FADD: variants seen among roughly 807,000 people sequenced by gnomAD.
FADD encodes the protein FAS-associated death domain protein.
Under a neutral mutation model 5.8 loss-of-function variants are expected in FADD, and 3 were observed. That is an observed-to-expected ratio of 0.52 (90% CI 0.24 to 1.34). The LOEUF is 1.34. FADD is among the 40% of genes most tolerant of loss of function. FADD has a pLI of 0.17. For missense variants in FADD, 249 were observed against 286.7 expected, an observed-to-expected ratio of 0.87 and a Z score of 0.95; for synonymous variants, 138 against 130.8, an observed-to-expected ratio of 1.06 and a Z score of -0.38.
In FADD at chr11:70,206,143, A is replaced by G. The variant is rs1262743131; in HGVS notation, c.297A>G (p.Ala99=). The change falls in exon 2 of 2, where the codon GCA becomes GCG. Residue 99 remains alanine, a synonymous_variant. Transcript: ENST00000301838. ...TTCTTTCCTTCCCAGACCTGTGTGCAGCATTTAACGTCATATGTGATAATG... is the reference window on the plus strand; with the variant it reads ...TTCTTTCCTTCCCAGACCTGTGTGCGGCATTTAACGTCATATGTGATAATG... ...GAAPGEEDLC[A]AFNVICDNVG... is the part of the protein sequence containing the mutation. 8 of 1,613,936 alleles carry G rather than the reference A, an allele frequency of 5.0e-6. No individual in the cohort carries two copies. The highest frequency in any genetic ancestry group is 6.8e-6 in the Non-Finnish European group (8 of 1,179,870).
chr11:70,204,337 G>A (rs929525160), intron 1 of FADD, among the ~76,000 whole-genome samples: 1 of 152,176 alleles, frequency 6.6e-6, no homozygotes, highest in African/African-American at 2.4e-5. Context: ...TCCGGCCTCC[G>A]GATGGGTAGT....
In FADD at chr11:70,206,702, C is replaced by T. The variant is rs1004239983; in HGVS notation, c.*229C>T. 2.4e-4 allele frequency: 136 copies of T among 565,468 alleles called. 1 individual carries two copies. The highest frequency in any genetic ancestry group is 1.9e-3 in the Middle Eastern group (4 of 2,078). 35.0% of individuals were successfully genotyped at this position (565,468 alleles called of 1,614,324 possible). ...ATTTCTTCCTCACTATGACACTGAG[C>T]AAGATCTTGTCTCCACTAAATGAGC... On this transcript the variant is annotated 3_prime_UTR_variant, in exon 2 of 2. Transcript: ENST00000301838.
chr11:70,205,527 C>G lies in FADD; in HGVS notation c.287-606C>G, dbSNP rs577527639. 3.9e-5 allele frequency among the ~76,000 whole-genome samples: 6 copies of G among 152,244 alleles called. No individual in the cohort carries two copies. In the South Asian group the frequency reaches 1.0e-3, roughly 26 times the overall value. Reference sequence around the variant, plus strand: ...GCTGTTGGGGAGGCTCCTTCCGGGTCTCGTCCGCTTTGTGGTGGCTCCAGG... The same window carrying G: ...GCTGTTGGGGAGGCTCCTTCCGGGTGTCGTCCGCTTTGTGGTGGCTCCAGG... On this transcript the variant is annotated intron_variant, in intron 1 of 1. Coordinates refer to ENST00000301838, the MANE Select transcript of FADD (RefSeq NM_003824.4).
chr11:70,205,644 C>T (rs1176352648), intron 1 of FADD, among the ~76,000 whole-genome samples: 1 of 152,192 alleles, frequency 6.6e-6, no homozygotes, highest in African/African-American at 2.4e-5. Flanking sequence ...GCATCCAGGT[C>T]ATCCAGGATG....
chr11:70,204,247 C>T (rs991510710), intron 1 of FADD, among the ~76,000 whole-genome samples: 1 of 152,232 alleles, frequency 6.6e-6, no homozygotes, highest in Non-Finnish European at 1.5e-5. Context: ...TTACAGAGGA[C>T]AGGACTGTGG....
Position 70,203,339 on chromosome 11 carries a change from GTT to G in FADD, c.-120_-119del. On this transcript the variant is annotated 5_prime_UTR_variant, in exon 1 of 2. Coordinates refer to ENST00000301838, the MANE Select transcript of FADD (RefSeq NM_003824.4). ...TAGTGAATCAGGCACCGGAGTGCAG[GTT>G]CGGGGGTGGAATCCTTGGGCCGCTG... 6.6e-7 allele frequency: 1 copy of G among 1,506,452 alleles called. No homozygotes were observed. The highest frequency in any genetic ancestry group is 8.9e-7 in the Non-Finnish European group (1 of 1,129,534). 93.3% of individuals were successfully genotyped at this position (1,506,452 alleles called of 1,614,324 possible).
chr11:70,207,059 C>T lies in FADD; in HGVS notation c.*586C>T, dbSNP rs1487479170. On this transcript the variant is annotated 3_prime_UTR_variant, in exon 2 of 2. Coordinates refer to ENST00000301838, the MANE Select transcript of FADD (RefSeq NM_003824.4). ...ATGGCTGGGGTGGGGGTGGGGAGAC[C>T]TGGTTGGCCGTGGTCCAGCTCTTGG... The T allele has an allele frequency of 1.2e-5, 2 of 161,260 alleles. No individual in the cohort carries two copies. The highest frequency in any genetic ancestry group is 2.8e-5 in the Non-Finnish European group (2 of 72,646). The allele number at this position is 161,260 out of a possible 1,614,324, so 10.0% of individuals were successfully genotyped here. A position where few individuals can be genotyped will look rare whatever the true frequency, so the allele number is the denominator to read the frequency against.
chr11:70,204,945 C>G (rs747995163), intron 1 of FADD, among the ~76,000 whole-genome samples: 66 of 150,418 alleles, frequency 4.4e-4, no homozygotes, highest in Non-Finnish European at 5.7e-4. Flanking sequence ...TAGCGGGCGA[C>G]TCTGCCTTCC....
At chr11:70,204,120 G>A (rs558102084) in intron 1 of FADD, among the ~76,000 whole-genome samples, 101 of 152,288 alleles carry the variant, frequency 6.6e-4, no homozygotes, top group African/African-American at 2.3e-3. Flanking sequence ...AGTAATACTA[G>A]CATTCAGTAA....
chr11:70,203,451 G>C lies in FADD; in HGVS notation c.-9G>C, dbSNP rs907874048. The C allele has an allele frequency of 2.6e-6, 4 of 1,566,642 alleles. No homozygotes were observed. In the African/African-American group the frequency reaches 5.4e-5, roughly 21 times the overall value. ...CGGGCCGCAGCCCCGGCCGCTTGCA[G>C]ACCCCGCCATGGACCCGTTCCTGGT... On this transcript the variant is annotated 5_prime_UTR_variant, in exon 1 of 2. Transcript: ENST00000301838.
chr11:70,204,839 G>C (rs1390036302), intron 1 of FADD, among the ~76,000 whole-genome samples: 1 of 152,192 alleles, frequency 6.6e-6, no homozygotes, highest in Non-Finnish European at 1.5e-5. Context: ...TGACATTTGA[G>C]ATGTATGTGT....
chr11:70,206,879 A>C lies in FADD; in HGVS notation c.*406A>C, dbSNP rs1590967426. On this transcript the variant is annotated 3_prime_UTR_variant, in exon 2 of 2. Transcript: ENST00000301838. ...AGAGAGGTGGAGAACTGGGATTTGAACCCCCGCCATCCTTCACCAGAGCCC... is the reference window on the plus strand; with the variant it reads ...AGAGAGGTGGAGAACTGGGATTTGACCCCCCGCCATCCTTCACCAGAGCCC... The C allele has an allele frequency of 4.1e-6, 1 of 242,078 alleles. No individual in the cohort carries two copies. The highest frequency in any genetic ancestry group is 8.3e-6 in the Non-Finnish European group (1 of 120,866). The allele number at this position is 242,078 out of a possible 1,614,324, so 15.0% of individuals were successfully genotyped here.
chr11:70,206,063 G>A (rs927288208), intron 1 of FADD, 70 bp from the exon 2 acceptor site: 5 of 1,357,846 alleles, frequency 3.7e-6, no homozygotes, highest in East Asian at 4.7e-5. Flanking sequence ...GTGCTGAAAA[G>A]CCCTAGGGAG....
intron 1 of FADD, 77 bp downstream of exon 1, chr11:70,203,822 C>A: frequency 1.6e-6 from 1 of 618,606 alleles, no homozygotes; most frequent in South Asian, 3.9e-5. Flanking sequence ...TCCGGTTGGC[C>A]TCCAGGCGCC....
Position 70,206,329 on chromosome 11 carries a change from G to A in FADD, c.483G>A (p.Leu161=), listed in dbSNP as rs780544033. 1 of 1,614,198 alleles carries A rather than the reference G, an allele frequency of 6.2e-7. No individual in the cohort carries two copies. The highest frequency in any genetic ancestry group is 8.5e-7 in the Non-Finnish European group (1 of 1,180,032). Residue 161 remains leucine (L), a synonymous_variant, in exon 2 of 2, where the codon CTG becomes CTA. Transcript: ENST00000301838. ...TEKENATVAH[L]VGALRSCQMN... is the part of the protein sequence containing the mutation. ...AGGAGAACGCAACAGTGGCCCACCT[G>A]GTGGGGGCTCTCAGGTCCTGCCAGA...
chr11:70,206,430 C>G lies in FADD; in HGVS notation c.584C>G (p.Pro195Arg), dbSNP rs1194936880. ...CAGAACAGGAGTGGGGCCATGTCCC[C>G]GATGTCATGGAACTCAGACGCATCT... The part of the protein sequence containing the change: ...DLQNRSGAMS[P>R]MSWNSDASTS... Residue 195 changes from proline to arginine, a missense_variant, in exon 2 of 2, where the codon CCG becomes CGG. Transcript: ENST00000301838. The G allele has an allele frequency of 1.2e-6, 2 of 1,613,944 alleles. No individual in the cohort carries two copies. Among genetic ancestry groups the G allele is most frequent in the Non-Finnish European group, 1.7e-6 (2 of 1,180,026 alleles).
In FADD at chr11:70,206,936, TG is replaced by T. The variant is rs1205560104; in HGVS notation, c.*464del. The T allele has an allele frequency of 3.1e-5, 6 of 195,906 alleles. No homozygotes were observed. Among genetic ancestry groups the T allele is most frequent in the Non-Finnish European group, 6.4e-5 (6 of 93,026 alleles). 12.1% of individuals were successfully genotyped at this position (195,906 alleles called of 1,614,324 possible). A position where few individuals can be genotyped will look rare whatever the true frequency, so the allele number is the denominator to read the frequency against. On this transcript the variant is annotated 3_prime_UTR_variant, in exon 2 of 2. Coordinates refer to ENST00000301838, the MANE Select transcript of FADD (RefSeq NM_003824.4). ...AACCACTGTGGCGTTCTGCTGCCCC[TG>T]CAGTTGGCAGAAAGGATGTTTTGTC...
intron 1 of FADD, among the ~76,000 whole-genome samples, chr11:70,204,947 C>G (rs2049448370): frequency 6.6e-6 from 1 of 150,452 alleles, no homozygotes; most frequent in Admixed American, 6.6e-5. Flanking sequence ...GCGGGCGACT[C>G]TGCCTTCCTC....
In FADD at chr11:70,203,500, G is replaced by GC; in HGVS notation, c.43dup (p.Leu15ProfsTer88). 1 of 1,604,556 alleles carries GC rather than the reference G, an allele frequency of 6.2e-7. No homozygotes were observed. The highest frequency in any genetic ancestry group is 8.5e-7 in the Non-Finnish European group (1 of 1,176,090). ...GTGCTGCTGCACTCGGTGTCGTCCA[G>GC]CCTGTCGAGCAGCGAGCTGACCGAG... is the stretch of plus-strand genomic sequence containing the variant. On this transcript the variant is annotated frameshift_variant, in exon 1 of 2. Transcript: ENST00000301838. LOFTEE classifies it high-confidence loss of function.
Sources: gnomAD v4.1 joint callset for allele counts (sites outside exome capture counted in the v4.1 genomes callset) on GRCh38, gnomAD v4.1.1 for gene constraint, MANE v1.5 for transcripts, NCBI Gene and HGNC (gene_info 2026-07-23, HGNC 2026-07-21) for gene names.